The following TANC1 variants were observed in gnomAD, a reference collection of about 807,000 sequenced individuals.
TANC1 encodes tetratricopeptide repeat, ankyrin repeat and coiled-coil containing 1.
A neutral mutation model predicts 149.7 loss-of-function variants in TANC1; 77 were observed. The ratio of observed to expected loss-of-function variants is 0.51; its 90% CI spans 0.43 to 0.62. The LOEUF (loss-of-function observed/expected upper bound fraction) is 0.62, where lower values mean the gene tolerates loss of function less well. TANC1 is among the 20% of genes least tolerant of loss of function. TANC1 has a pLI of 0.00. For missense variants in TANC1, 1,985 were observed against 2,321.8 expected (o/e 0.85, Z 2.98); for synonymous variants, 854 against 925.0 (o/e 0.92, Z 1.39).
rs2036575761 is a variant in TANC1 at position 159,001,016 on chromosome 2, G to T, written c.-125-64G>T. 6.6e-6 allele frequency: 1 copy of T among 152,320 alleles called. No individual in the cohort carries two copies. Among genetic ancestry groups the T allele is most frequent in the South Asian group, 2.1e-4 (1 of 4,830 alleles). The allele number at this position is 152,320 out of a possible 1,614,324, so 9.4% of individuals were successfully genotyped here. ...GGTGAAGTAATTGCTCAGGGTCATGGAGTTAATAAATGGTGGAGCGGAGCT... is the reference window on the plus strand; with the variant it reads ...GGTGAAGTAATTGCTCAGGGTCATGTAGTTAATAAATGGTGGAGCGGAGCT... On this transcript the variant is annotated intron_variant, in intron 1 of 26. Coordinates refer to ENST00000263635, the MANE Select transcript of TANC1 (RefSeq NM_033394.3). This position sits in a 1 kb window ranked among gnomAD's most constrained non-coding sequence, Gnocchi z 4.3.
At chr2:159,053,177 C>T (rs150423937) in intron 2 of TANC1, among the ~76,000 whole-genome samples, 1 of 151,010 alleles carries the variant, frequency 6.6e-6, no homozygotes, top group Admixed American at 6.6e-5. Context: ...TTCTAGCATG[C>T]CTTGTCTGTG....
chr2:159,116,257 T>C (rs893582111), intron 4 of TANC1, among the ~76,000 whole-genome samples: 4 of 152,030 alleles, frequency 2.6e-5, no homozygotes, highest in African/African-American at 9.7e-5. Flanking sequence ...AAACCCCGTC[T>C]CTACTAAAAA....
chr2:159,096,549 C>T (rs1234404767), intron 3 of TANC1, among the ~76,000 whole-genome samples: 1 of 152,130 alleles, frequency 6.6e-6, no homozygotes, highest in African/African-American at 2.4e-5. Flanking sequence ...CACACCTGGA[C>T]AGGGGAGGGG....
intron 12 of TANC1, 51 bp from the exon 13 acceptor site, chr2:159,176,301 C>G: frequency 2.6e-6 from 3 of 1,144,982 alleles, no homozygotes; most frequent in Admixed American, 2.7e-5. Context: ...GTGTTGCTGT[C>G]TTAGAGAAAT....
At position 159,012,863 on chromosome 2, in the gene TANC1, G is replaced by T. The variant is rs189697631; in HGVS notation, c.-16+11674G>T. On this transcript the variant is annotated intron_variant, in intron 2 of 26. Transcript: ENST00000263635. ...ACATTGTTCCTAATTCTGTTTCTGT[G>T]GGGGGATGTAGGAGGCTACTCTTTC... Among the ~76,000 whole-genome samples, 709 of 152,196 alleles carry T rather than the reference G, an allele frequency of 4.7e-3. 1 individual carries two copies. Among genetic ancestry groups the T allele is most frequent in the South Asian group, 0.011 (54 of 4,820 alleles).
At chr2:159,020,315 T>C (rs1407446349) in intron 2 of TANC1, among the ~76,000 whole-genome samples, 1 of 152,090 alleles carries the variant, frequency 6.6e-6, no homozygotes, top group Non-Finnish European at 1.5e-5. Flanking sequence ...GGTTTCGCCT[T>C]GTTGGCCAGG....
At chr2:158,985,658 T>G (rs1350841941) in intron 1 of TANC1, among the ~76,000 whole-genome samples, 1 of 152,108 alleles carries the variant, frequency 6.6e-6, no homozygotes, top group Non-Finnish European at 1.5e-5. Context: ...TTCCCTTTTC[T>G]TCCAAGACAG....
chr2:159,181,539 C>G (rs1344937586), intron 14 of TANC1, among the ~76,000 whole-genome samples: 1 of 152,164 alleles, frequency 6.6e-6, no homozygotes, highest in Non-Finnish European at 1.5e-5. Flanking sequence ...CCTCGTGATC[C>G]GCCCGCCTCG....
chr2:158,997,125 A>G (rs2149307829), intron 1 of TANC1, among the ~76,000 whole-genome samples: 1 of 152,310 alleles, frequency 6.6e-6, no homozygotes, highest in African/African-American at 2.4e-5. Context: ...TTTTGACTAT[A>G]ATCTATAAAA....
intron 4 of TANC1, among the ~76,000 whole-genome samples, chr2:159,119,507 T>C (rs1021202786): frequency 1.3e-5 from 2 of 152,246 alleles, no homozygotes; most frequent in African/African-American, 4.8e-5. Flanking sequence ...AACTGTAATG[T>C]AAAATCTTGA....
intron 8 of TANC1, among the ~76,000 whole-genome samples, chr2:159,168,904 C>T (rs1389148967): frequency 1.3e-5 from 2 of 151,986 alleles, no homozygotes; most frequent in Non-Finnish European, 2.9e-5. Flanking sequence ...AGCAGCATGC[C>T]ACCTGCTTGT....
intron 2 of TANC1, among the ~76,000 whole-genome samples, chr2:159,009,743 G>A (rs965811196): frequency 2.6e-5 from 4 of 152,186 alleles, no homozygotes; most frequent in Non-Finnish European, 5.9e-5. Flanking sequence ...AGCTAGAAGA[G>A]TGGATTTTGA....
At chr2:159,034,927 T>C (rs1387815194) in intron 2 of TANC1, among the ~76,000 whole-genome samples, 2 of 152,200 alleles carry the variant, frequency 1.3e-5, no homozygotes, top group African/African-American at 2.4e-5. Context: ...GGGCCTCACA[T>C]TGTAGTCAAA....
chr2:159,159,850 A>G (rs900290659), intron 7 of TANC1, among the ~76,000 whole-genome samples: 4 of 151,832 alleles, frequency 2.6e-5, no homozygotes, highest in African/African-American at 9.7e-5. Flanking sequence ...GATCAGGTAT[A>G]CGCCCTGTTA....
rs760937683 is a variant in TANC1 at position 159,149,177 on chromosome 2, G to A, written c.400G>A (p.Ala134Thr). 1.2e-6 allele frequency: 2 copies of A among 1,610,078 alleles called. No individual in the cohort carries two copies. The highest frequency in any genetic ancestry group is 1.7e-6 in the Non-Finnish European group (2 of 1,177,424). Reference sequence around the variant, plus strand: ...CGATAATGAACCGAGCTGTTCGCCGGCAGCTCAAGAACTGTTGACAAGGCT... The same window carrying A: ...CGATAATGAACCGAGCTGTTCGCCGACAGCTCAAGAACTGTTGACAAGGCT... ...KADNEPSCSP[A>T]AQELLTRLGF... Residue 134 changes from alanine to threonine, a missense_variant, in exon 6 of 27, where the codon GCA becomes ACA. By Grantham distance (58) the Ala-to-Thr change is moderately conservative. Coordinates refer to ENST00000263635, the MANE Select transcript of TANC1 (RefSeq NM_033394.3).
At chr2:159,036,866 T>C (rs1489429342) in intron 2 of TANC1, among the ~76,000 whole-genome samples, 26 of 152,224 alleles carry the variant, frequency 1.7e-4, no homozygotes, top group Non-Finnish European at 1.2e-4. Context: ...GTCCTTTGAG[T>C]ATATACCCAG....
intron 19 of TANC1, among the ~76,000 whole-genome samples, chr2:159,201,502 G>A (rs1243008784): frequency 1.3e-5 from 2 of 152,198 alleles, no homozygotes; most frequent in African/African-American, 4.8e-5. Context: ...CTGTGTGGCT[G>A]TACTGCTGTG....
In TANC1 at chr2:159,004,518, T is replaced by G. The variant is rs576565287; in HGVS notation, c.-16+3329T>G. 1.3e-4 allele frequency among the ~76,000 whole-genome samples: 20 copies of G among 152,296 alleles called. No homozygotes were observed. The South Asian group carries it at 1.7e-3, about 13-fold the overall frequency. ...TGCACTTCCTCCCAGGATTTTTTTTTGGTCAAAATATGAAGTATTGGTGCA... is the reference window on the plus strand; with the variant it reads ...TGCACTTCCTCCCAGGATTTTTTTTGGGTCAAAATATGAAGTATTGGTGCA... On this transcript the variant is annotated intron_variant, in intron 2 of 26. Coordinates refer to ENST00000263635, the MANE Select transcript of TANC1 (RefSeq NM_033394.3).
chr2:159,220,544 C>T (rs577906804), intron 22 of TANC1, among the ~76,000 whole-genome samples: 3 of 150,974 alleles, frequency 2.0e-5, no homozygotes, highest in South Asian at 2.1e-4. Flanking sequence ...CCTCATGATC[C>T]GCCTGCCTCA....
Sources: allele counts gnomAD v4.1 joint callset (sites outside exome capture counted in the v4.1 genomes callset), GRCh38; gene constraint gnomAD v4.1.1; non-coding constraint Gnocchi (gnomAD v3.1); transcripts MANE v1.5; gene names NCBI Gene and HGNC (gene_info 2026-07-23, HGNC 2026-07-21).